Variants in CIMAP3 observed in about 807,000 individuals in gnomAD.
CIMAP3 encodes the protein ciliary microtubule associated protein 3.
At chr1:111,351,393 C>T in the CIMAP3 span, 5 of 1,332,366 alleles carry the variant, frequency 3.8e-6, no homozygotes, top group South Asian at 7.5e-5. Flanking sequence ...GACAGAGCTG[C>T]TCTTCTTCTT....
the CIMAP3 span, among the ~76,000 whole-genome samples, chr1:111,335,220 T>C: frequency 7.6e-3 from 988 of 130,532 alleles, 15 homozygotes; most frequent in African/African-American, 0.027. Flanking sequence ...AAGAGAGGAG[T>C]CAAGATGGCC....
At chr1:111,351,456 G>C in the CIMAP3 span, 1 of 709,768 alleles carries the variant, frequency 1.4e-6, no homozygotes, top group Non-Finnish European at 2.3e-6. Flanking sequence ...GGAGGGACAG[G>C]GGCTTATAGC....
the CIMAP3 span, among the ~76,000 whole-genome samples, chr1:111,339,413 T>C: frequency 8.7e-5 from 13 of 149,918 alleles, no homozygotes; most frequent in Admixed American, 3.3e-4. Context: ...GGAAGTCAAA[T>C]TGTCCCTGTT....
the CIMAP3 span, chr1:111,347,113 C>A: frequency 1.3e-6 from 2 of 1,501,622 alleles, no homozygotes; most frequent in Non-Finnish European, 1.8e-6. Context: ...AGCCAAGTTT[C>A]CAAGTTTCGT....
At chr1:111,352,865 C>T in the CIMAP3 span, 67,542 of 151,848 alleles carry the variant, frequency 0.44, 15,432 homozygotes, top group South Asian at 0.62. Context: ...GGTACAGAGA[C>T]GCTCAAAGCT....
chr1:111,348,342 A>G, the CIMAP3 span: 1 of 582,682 alleles, frequency 1.7e-6, no homozygotes, highest in South Asian at 2.8e-5. Flanking sequence ...GCTGAACCAC[A>G]CCCGTATCTC....
At chr1:111,341,213 G>A in the CIMAP3 span, among the ~76,000 whole-genome samples, 3 of 150,238 alleles carry the variant, frequency 2.0e-5, no homozygotes, top group African/African-American at 4.9e-5. Context: ...GTTGTGGGGT[G>A]GGGGGAAGGG....
chr1:111,326,802 T>C, the CIMAP3 span, among the ~76,000 whole-genome samples: 1,206 of 152,310 alleles, frequency 7.9e-3, 16 homozygotes, highest in African/African-American at 0.027. Flanking sequence ...GGTAAGATGG[T>C]ATCTCATTGT....
At chr1:111,340,951 C>G in the CIMAP3 span, among the ~76,000 whole-genome samples, 2,087 of 151,814 alleles carry the variant, frequency 0.014, 55 homozygotes, top group African/African-American at 0.047. Flanking sequence ...AGACTTGGAA[C>G]CAACCCAAAT....
chr1:111,351,123 GGC>G, the CIMAP3 span: 1 of 740,630 alleles, frequency 1.4e-6, no homozygotes, highest in African/African-American at 1.8e-5. Context: ...GAATCACTAA[GGC>G]TAGATTACTA....
chr1:111,336,262 A>G, the CIMAP3 span, among the ~76,000 whole-genome samples: 1 of 152,228 alleles, frequency 6.6e-6, no homozygotes, highest in Non-Finnish European at 1.5e-5. Context: ...AAAACAGAGA[A>G]GAAAAACTGG....
the CIMAP3 span, among the ~76,000 whole-genome samples, chr1:111,329,950 C>A: frequency 6.6e-6 from 1 of 152,158 alleles, no homozygotes; most frequent in South Asian, 2.1e-4. Flanking sequence ...TATTCAAATT[C>A]TGAGATTCTT....
the CIMAP3 span, among the ~76,000 whole-genome samples, chr1:111,343,726 T>C: frequency 2.0e-5 from 3 of 152,240 alleles, no homozygotes; most frequent in African/African-American, 4.8e-5. Flanking sequence ...CTGGCTTTAC[T>C]GAAAAGTTGA....
the CIMAP3 span, among the ~76,000 whole-genome samples, chr1:111,329,047 T>A: frequency 3.0e-4 from 46 of 152,280 alleles, no homozygotes; most frequent in Non-Finnish European, 5.3e-4. Flanking sequence ...GACCTGGTAA[T>A]GAATTCTCTC....
the CIMAP3 span, among the ~76,000 whole-genome samples, chr1:111,345,534 A>G: frequency 6.6e-6 from 1 of 152,208 alleles, no homozygotes; most frequent in Non-Finnish European, 1.5e-5. Context: ...ACAATTTTTA[A>G]CAAGCAAAAA....
At chr1:111,347,618 C>CTTTTTTTTTTTTTTTTTTGTTGTTTTTT in the CIMAP3 span, 1 of 928,432 alleles carries the variant, frequency 1.1e-6, no homozygotes, top group Non-Finnish European at 1.6e-6. Flanking sequence ...GTTGTTTTTT[C>CTTTTTTTTTTTTTTTTTTGTTGTTTTTT]TTTCTTTTTT....
the CIMAP3 span, chr1:111,348,630 G>A: frequency 1.9e-6 from 3 of 1,600,860 alleles, no homozygotes; most frequent in Non-Finnish European, 1.7e-6. Flanking sequence ...CTACCCAAAG[G>A]ACACTTACTA....
At chr1:111,326,655 T>C in the CIMAP3 span, among the ~76,000 whole-genome samples, 15 of 152,266 alleles carry the variant, frequency 9.9e-5, no homozygotes, top group East Asian at 2.7e-3. Flanking sequence ...TTTAGATTTT[T>C]GCAATTTCCA....
At chr1:111,328,555 A>C in the CIMAP3 span, among the ~76,000 whole-genome samples, 8 of 152,232 alleles carry the variant, frequency 5.3e-5, no homozygotes, top group Non-Finnish European at 1.0e-4. Flanking sequence ...ATATATATTT[A>C]GGAAAGTTAG....
Sources: allele counts gnomAD v4.1 joint callset (sites outside exome capture counted in the v4.1 genomes callset), GRCh38; gene constraint gnomAD v4.1.1; transcripts MANE v1.5; gene names NCBI Gene and HGNC (gene_info 2026-07-23, HGNC 2026-07-21).